PRELID2: variants seen among roughly 807,000 people sequenced by gnomAD.
PRELID2 encodes PRELI domain-containing protein 2.
A neutral mutation model predicts 28.4 loss-of-function variants in PRELID2; 25 were observed. The observed-to-expected ratio is 0.88, with a 90% CI of 0.64 to 1.23. PRELID2 has a LOEUF of 1.23. Among genes scored for constraint, PRELID2 ranks in the 50% most tolerant of loss-of-function variants. The pLI is 0.00. For synonymous variants in PRELID2, 76 were observed against 71.6 expected, an observed-to-expected ratio of 1.06 and a Z score of -0.31; for missense variants, 201 against 214.4, an observed-to-expected ratio of 0.94 and a Z score of 0.39.
the PRELID2 span, among the ~76,000 whole-genome samples, chr5:145,443,089 T>C: frequency 2.0e-5 from 3 of 152,030 alleles, no homozygotes; most frequent in South Asian, 6.2e-4. Context: ...GGAATCTTGA[T>C]GATGTGAAAC....
At chr5:145,721,196 T>C (rs377173098) in intron 1 of PRELID2, among the ~76,000 whole-genome samples, 1 of 152,100 alleles carries the variant, frequency 6.6e-6, no homozygotes, top group African/African-American at 2.4e-5. Flanking sequence ...ATATAGCCTC[T>C]GGAAAACTTT....
At chr5:145,285,109 C>T in the PRELID2 span, among the ~76,000 whole-genome samples, 2 of 152,082 alleles carry the variant, frequency 1.3e-5, no homozygotes, top group East Asian at 1.9e-4. Context: ...GGACTCAAAC[C>T]CGAGTCTATA....
chr5:145,811,313 G>A (rs140272768), intron 4 of PRELID2, among the ~76,000 whole-genome samples: 1 of 151,904 alleles, frequency 6.6e-6, no homozygotes, highest in Non-Finnish European at 1.5e-5. Flanking sequence ...ACCATATCAG[G>A]GGTCTTGCTC....
chr5:145,565,937 C>T (rs1012078459), intron 1 of PRELID2, among the ~76,000 whole-genome samples: 3 of 152,180 alleles, frequency 2.0e-5, no homozygotes, highest in African/African-American at 7.2e-5. Context: ...AATCTCTTAA[C>T]GTAGATAGAA....
intron 1 of PRELID2, among the ~76,000 whole-genome samples, chr5:145,704,903 C>T (rs1755503126): frequency 6.6e-6 from 1 of 152,204 alleles, no homozygotes; most frequent in African/African-American, 2.4e-5. Context: ...AAAAAGCACA[C>T]ACAGGAAGGA....
At chr5:145,250,100 G>A in the PRELID2 span, among the ~76,000 whole-genome samples, 1 of 152,060 alleles carries the variant, frequency 6.6e-6, no homozygotes, top group Non-Finnish European at 1.5e-5. Context: ...CATACAGTTT[G>A]GGAAGGCAAT....
chr5:145,775,803 C>G (rs1488245358), intron 5 of PRELID2, among the ~76,000 whole-genome samples: 1 of 152,192 alleles, frequency 6.6e-6, no homozygotes, highest in African/African-American at 2.4e-5. Context: ...AGCTTGACTT[C>G]ACTCCTCATC....
At chr5:145,370,275 C>T in the PRELID2 span, among the ~76,000 whole-genome samples, 1 of 151,918 alleles carries the variant, frequency 6.6e-6, no homozygotes. Flanking sequence ...AGTTTTTATC[C>T]ATCTTGAGTT....
intron 1 of PRELID2, among the ~76,000 whole-genome samples, chr5:145,672,993 A>G (rs565614998): frequency 1.3e-5 from 2 of 152,280 alleles, no homozygotes; most frequent in African/African-American, 2.4e-5. Context: ...CCAAGCACCT[A>G]TGTTCTGATT....
the PRELID2 span, among the ~76,000 whole-genome samples, chr5:145,423,066 C>CA: frequency 1.3e-5 from 2 of 150,128 alleles, no homozygotes; most frequent in Non-Finnish European, 3.0e-5. Flanking sequence ...TATTGGCCCC[C>CA]ACTCTCTTCT....
At chr5:145,807,435 C>T (rs1425375748) in intron 4 of PRELID2, among the ~76,000 whole-genome samples, 1 of 152,178 alleles carries the variant, frequency 6.6e-6, no homozygotes, top group East Asian at 1.9e-4. Flanking sequence ...TAACAACTTA[C>T]ATTTATTCGG....
chr5:145,491,773 T>A (rs1013766105), intron 1 of PRELID2, among the ~76,000 whole-genome samples: 3 of 152,116 alleles, frequency 2.0e-5, no homozygotes, highest in African/African-American at 7.2e-5. Flanking sequence ...ATTTTTAGAT[T>A]CTCATATAAT....
chr5:145,358,531 C>T, the PRELID2 span, among the ~76,000 whole-genome samples: 52,973 of 151,898 alleles, frequency 0.35, 9,980 homozygotes, highest in East Asian at 0.74. Flanking sequence ...AGACAGGATA[C>T]AGTCTTCTGC....
chr5:145,568,271 G>C (rs924427275), intron 1 of PRELID2, among the ~76,000 whole-genome samples: 2 of 152,118 alleles, frequency 1.3e-5, no homozygotes, highest in East Asian at 3.8e-4. Context: ...CCACTGCCAG[G>C]GGACAGAATT....
the PRELID2 span, among the ~76,000 whole-genome samples, chr5:145,376,335 G>A: frequency 2.6e-5 from 4 of 152,100 alleles, no homozygotes; most frequent in African/African-American, 9.7e-5. Flanking sequence ...AGTTCATCAA[G>A]AATATTGGCC....
the PRELID2 span, among the ~76,000 whole-genome samples, chr5:145,391,008 A>G: frequency 6.6e-6 from 1 of 152,292 alleles, no homozygotes; most frequent in African/African-American, 2.4e-5. Context: ...GATGCAAGAA[A>G]TGGGCTCCCA....
At chr5:145,628,069 T>A (rs556874011) in intron 1 of PRELID2, among the ~76,000 whole-genome samples, 2 of 152,286 alleles carry the variant, frequency 1.3e-5, no homozygotes, top group South Asian at 4.1e-4. Context: ...TTTGGGAATA[T>A]TTTACATACA....
chr5:145,576,676 T>TAAA (rs61665534), intron 1 of PRELID2, among the ~76,000 whole-genome samples: 580 of 141,486 alleles, frequency 4.1e-3, no homozygotes, highest in Admixed American at 7.5e-3. Flanking sequence ...AGCACAATAG[T>TAAA]AAAAAAAAAA....
At chr5:145,736,823 G>T (rs1450752681) in intron 1 of PRELID2, among the ~76,000 whole-genome samples, 1 of 152,132 alleles carries the variant, frequency 6.6e-6, no homozygotes, top group Non-Finnish European at 1.5e-5. Flanking sequence ...ATGCTCAATC[G>T]TTGTGGACAA....
Sources: gnomAD v4.1 joint callset for allele counts (sites outside exome capture counted in the v4.1 genomes callset) on GRCh38, gnomAD v4.1.1 for gene constraint, MANE v1.5 for transcripts, NCBI Gene and HGNC (gene_info 2026-07-23, HGNC 2026-07-21) for gene names.